PMS1: variants seen among roughly 807,000 people sequenced by gnomAD.
PMS1 encodes the protein PMS1 protein homolog 1.
PMS1 carries 79 observed loss-of-function variants against 93.1 expected under a neutral mutation model. The ratio of observed to expected loss-of-function variants is 0.85; its 90% CI spans 0.71 to 1.02. The LOEUF is 1.02. Ranked by LOEUF, PMS1 falls within the 50% of genes least tolerant of loss-of-function variation. PMS1 has a pLI of 0.00. For missense variants in PMS1, 1,064 were observed against 1,085.3 expected (o/e 0.98, Z 0.28); for synonymous variants, 335 against 363.4 (o/e 0.92, Z 0.89).
At chr2:189,787,248 G>A (rs1487589358) in intron 1 of PMS1, among the ~76,000 whole-genome samples, 1 of 152,112 alleles carries the variant, frequency 6.6e-6, no homozygotes, top group South Asian at 2.1e-4. Flanking sequence ...GTATATAAAG[G>A]GAAGGAGGAT....
intron 5 of PMS1, among the ~76,000 whole-genome samples, chr2:189,822,570 ACT>A (rs1438103401): frequency 9.9e-5 from 15 of 152,218 alleles, no homozygotes; most frequent in African/African-American, 3.1e-4. Flanking sequence ...AGAAGATGTG[ACT>A]CTAGGACAGA....
Position 189,842,678 on chromosome 2 carries a change from A to G in PMS1, c.583-1286A>G, listed in dbSNP as rs377632576. On this transcript the variant is annotated intron_variant, in intron 5 of 12. Transcript: ENST00000441310. The stretch of plus-strand genomic sequence containing the variant: ...AAATTACTTTGGGGAGTGCTCCATT[A>G]GGCTTCTGTTACAAGCAGGTTTTTA... Among the ~76,000 whole-genome samples, 233 of 152,250 alleles carry G rather than the reference A, an allele frequency of 1.5e-3. 2 individuals are homozygous for G. The Middle Eastern group carries it at 0.034, about 22-fold the overall frequency.
intron 6 of PMS1, among the ~76,000 whole-genome samples, chr2:189,845,883 C>G (rs1450961430): frequency 6.6e-6 from 1 of 151,886 alleles, no homozygotes; most frequent in South Asian, 2.1e-4. Flanking sequence ...GCCACAACAC[C>G]CGGCTAATTT....
chr2:189,831,541 T>C (rs1430671002), intron 5 of PMS1, among the ~76,000 whole-genome samples: 1 of 152,220 alleles, frequency 6.6e-6, no homozygotes, highest in African/African-American at 2.4e-5. Flanking sequence ...TTATTTAACT[T>C]ATATGCCTAA....
chr2:189,827,181 A>G (rs1412018152), intron 5 of PMS1, among the ~76,000 whole-genome samples: 1 of 152,222 alleles, frequency 6.6e-6, no homozygotes, highest in Non-Finnish European at 1.5e-5. Context: ...TTAACAGTCA[A>G]ATAGAACAAC....
Position 189,867,806 on chromosome 2 carries a change from A to G in PMS1, c.2350A>G (p.Asn784Asp). ...KPIMLTESLF[N>D]GSHYLDVLYK... ...CCATAATTTCTTTTTCAGTCTTTTTAATGGATCTCATTATTTAGACGTTTT... is the reference window on the plus strand; with the variant it reads ...CCATAATTTCTTTTTCAGTCTTTTTGATGGATCTCATTATTTAGACGTTTT... Residue 784 changes from asparagine (N) to aspartate (D), a missense_variant, in exon 11 of 13, where the codon AAT becomes GAT. Transcript: ENST00000441310. 5 of 1,572,270 alleles carry G rather than the reference A, an allele frequency of 3.2e-6. No homozygotes were observed. Among genetic ancestry groups the G allele is most frequent in the Non-Finnish European group, 4.4e-6 (5 of 1,142,138 alleles).
Position 189,795,861 on chromosome 2 carries a change from C to G in PMS1, c.225C>G (p.Thr75=), listed in dbSNP as rs201065617. ...DAPVMAMKYY[T]SKINSHEDLE... ...CTGTAATGGCAATGAAGTACTACAC[C>G]TCAAAAATAAATAGTCATGAAGATC... The change falls in exon 3 of 13, where the codon ACC becomes ACG. Residue 75 remains threonine (T), a synonymous_variant. Coordinates refer to ENST00000441310, the MANE Select transcript of PMS1 (RefSeq NM_000534.5). 18 of 1,612,604 alleles carry G rather than the reference C, an allele frequency of 1.1e-5. No individual in the cohort carries two copies. The African/African-American group carries it at 1.5e-4, about 13-fold the overall frequency.
intron 5 of PMS1, among the ~76,000 whole-genome samples, chr2:189,821,376 A>G (rs1559256007): frequency 6.7e-6 from 1 of 149,918 alleles, no homozygotes; most frequent in South Asian, 2.1e-4. Context: ...AATCACTTAA[A>G]CCCGGGAAGC....
chr2:189,833,415 C>G (rs1378343099), intron 5 of PMS1, among the ~76,000 whole-genome samples: 1 of 152,106 alleles, frequency 6.6e-6, no homozygotes, highest in African/African-American at 2.4e-5. Flanking sequence ...AACCCCGTCT[C>G]TACTAAAAAT....
intron 1 of PMS1, among the ~76,000 whole-genome samples, chr2:189,785,150 T>C (rs1480285086): frequency 6.6e-6 from 1 of 152,214 alleles, no homozygotes; most frequent in Non-Finnish European, 1.5e-5. Flanking sequence ...AAGTTTGTGA[T>C]TTTTATTGCC....
chr2:189,874,407 C>T (rs937068446), intron 12 of PMS1, among the ~76,000 whole-genome samples: 4 of 151,846 alleles, frequency 2.6e-5, no homozygotes, highest in Non-Finnish European at 5.9e-5. Flanking sequence ...TTTGAATAAG[C>T]GGAAATTTTC....
intron 6 of PMS1, among the ~76,000 whole-genome samples, chr2:189,846,872 T>C (rs1488984283): frequency 1.3e-5 from 2 of 151,582 alleles, no homozygotes; most frequent in East Asian, 3.9e-4. Flanking sequence ...TCTTTTTTTT[T>C]TTTTTCTGAG....
At chr2:189,789,998 C>T (rs1414610569) in intron 1 of PMS1, among the ~76,000 whole-genome samples, 1 of 152,116 alleles carries the variant, frequency 6.6e-6, no homozygotes, top group African/African-American at 2.4e-5. Context: ...CAAAGGATTT[C>T]CAGTTACCAA....
intron 1 of PMS1, chr2:189,785,334 C>T (rs1050300767): frequency 3.9e-5 from 6 of 152,186 alleles, no homozygotes; most frequent in Non-Finnish European, 7.4e-5. Flanking sequence ...CTGATCTTTA[C>T]TTCTTTTTTA....
At chr2:189,787,434 A>G (rs545165351) in intron 1 of PMS1, among the ~76,000 whole-genome samples, 3 of 151,822 alleles carry the variant, frequency 2.0e-5, no homozygotes, top group Non-Finnish European at 4.4e-5. Context: ...GTACAGCAGG[A>G]AAAAAAAAGT....
chr2:189,838,726 T>G (rs2053584510), intron 5 of PMS1, among the ~76,000 whole-genome samples: 1 of 152,182 alleles, frequency 6.6e-6, no homozygotes, highest in African/African-American at 2.4e-5. Flanking sequence ...ACTAGTAAAG[T>G]ACCAAAGTTT....
intron 10 of PMS1, among the ~76,000 whole-genome samples, chr2:189,866,063 T>A (rs1368750181): frequency 6.6e-6 from 1 of 152,210 alleles, no homozygotes; most frequent in Non-Finnish European, 1.5e-5. Flanking sequence ...CTCTTGAGAT[T>A]GGCTTAGGAA....
chr2:189,798,086 A>G (rs986189844), intron 3 of PMS1, among the ~76,000 whole-genome samples: 1 of 152,214 alleles, frequency 6.6e-6, no homozygotes, highest in African/African-American at 2.4e-5. Flanking sequence ...AACATAGTAC[A>G]CTGGAGAGGA....
intron 5 of PMS1, among the ~76,000 whole-genome samples, chr2:189,842,218 A>G (rs987396248): frequency 6.6e-6 from 1 of 151,986 alleles, no homozygotes; most frequent in African/African-American, 2.4e-5. Context: ...GAAACATATG[A>G]TGACTACTTT....
Sources: gnomAD v4.1 joint callset for allele counts (sites outside exome capture counted in the v4.1 genomes callset) on GRCh38, gnomAD v4.1.1 for gene constraint, MANE v1.5 for transcripts, NCBI Gene and HGNC (gene_info 2026-07-23, HGNC 2026-07-21) for gene names.